Variants in CEP170 observed in about 807,000 individuals in gnomAD.
CEP170 encodes the protein centrosomal protein 170.
A neutral mutation model predicts 151.9 loss-of-function variants in CEP170; 21 were observed. The observed-to-expected ratio is 0.14, with a 90% CI of 0.10 to 0.20. The LOEUF is 0.20. Ranked by LOEUF, CEP170 falls within the 10% of genes least tolerant of loss-of-function variation. The probability of loss-of-function intolerance (pLI) is 1.00; values close to 1 mark genes in which losing one functional copy is unlikely to be tolerated. For synonymous variants in CEP170, 356 were observed against 648.8 expected, an observed-to-expected ratio of 0.55 and a Z score of 6.86; for missense variants, 964 against 1,892.9, an observed-to-expected ratio of 0.51 and a Z score of 9.11.
intron 15 of CEP170, 90 bp from the exon 16 acceptor site, chr1:243,140,197 T>G: frequency 1.3e-6 from 2 of 1,513,144 alleles, no homozygotes; most frequent in Non-Finnish European, 1.8e-6. Flanking sequence ...TAGACAGAAG[T>G]TATTCCATTC....
chr1:243,226,006 TCTAGATATATATAC>T, intron 1 of CEP170, among the ~76,000 whole-genome samples: 3 of 146,872 alleles, frequency 2.0e-5, no homozygotes, highest in Non-Finnish European at 4.5e-5. Context: ...CGTATATATA[TCTAGATATATATAC>T]ACACGTATAT....
intron 14 of CEP170, among the ~76,000 whole-genome samples, chr1:243,148,830 G>A (rs1159772809): frequency 6.6e-6 from 1 of 152,044 alleles, no homozygotes; most frequent in Non-Finnish European, 1.5e-5. Flanking sequence ...TTAGATGTTA[G>A]TGGCATTTTG....
At chr1:243,169,180 AAAAGT>A (rs1206598953) in intron 12 of CEP170, 3 of 155,314 alleles carry the variant, frequency 1.9e-5, no homozygotes, top group Non-Finnish European at 4.3e-5. Context: ...ATTTTCATTT[AAAAGT>A]AAAGACAAAA....
chr1:243,131,411 G>A (rs1205325063), intron 17 of CEP170, among the ~76,000 whole-genome samples: 1 of 152,002 alleles, frequency 6.6e-6, no homozygotes, highest in Non-Finnish European at 1.5e-5. Context: ...AGGATTGCTT[G>A]TGCCCAGGGA....
At chr1:243,254,733 G>A (rs566453171) in intron 1 of CEP170, among the ~76,000 whole-genome samples, 32 of 151,900 alleles carry the variant, frequency 2.1e-4, no homozygotes, top group Non-Finnish European at 3.2e-4. Context: ...TAGGGGATGC[G>A]GAGGCGGCAG....
At chr1:243,183,259 C>T (rs991323274) in intron 10 of CEP170, among the ~76,000 whole-genome samples, 1 of 152,122 alleles carries the variant, frequency 6.6e-6, no homozygotes, top group Non-Finnish European at 1.5e-5. Context: ...GAACACATCT[C>T]AAATGATGAC....
chr1:243,226,063 A>ATT (rs201542277), intron 1 of CEP170, among the ~76,000 whole-genome samples: 57,016 of 138,060 alleles, frequency 0.41, 14,015 homozygotes, highest in East Asian at 0.66. Context: ...ATCTAGATAT[A>ATT]TATATCTATA....
intron 16 of CEP170, among the ~76,000 whole-genome samples, chr1:243,138,268 T>C (rs888167424): frequency 8.6e-5 from 13 of 151,984 alleles, no homozygotes; most frequent in African/African-American, 3.1e-4. Context: ...AGAATGATTA[T>C]GAGTAAGTTT....
At chr1:243,203,055 G>A (rs1204614457) in intron 4 of CEP170, among the ~76,000 whole-genome samples, 3 of 152,112 alleles carry the variant, frequency 2.0e-5, no homozygotes, top group African/African-American at 4.8e-5. Flanking sequence ...GTGTGGAAAC[G>A]AAGAAGACCT....
intron 7 of CEP170, 26 bp downstream of exon 7, chr1:243,199,034 T>G (rs774342763): frequency 1.3e-5 from 18 of 1,369,956 alleles, no homozygotes; most frequent in Middle Eastern, 1.8e-4. Flanking sequence ...ATCCACTTAA[T>G]GTCACAGTGA....
chr1:243,244,832 T>A (rs2065213619), intron 1 of CEP170, among the ~76,000 whole-genome samples: 1 of 146,750 alleles, frequency 6.8e-6, no homozygotes, highest in South Asian at 2.1e-4. Context: ...AAATACATTC[T>A]AAAAAAAAAA....
intron 10 of CEP170, among the ~76,000 whole-genome samples, chr1:243,175,799 T>C (rs1244962072): frequency 2.5e-5 from 1 of 40,784 alleles, no homozygotes; most frequent in Non-Finnish European, 5.4e-5. Context: ...ACAGTATTTC[T>C]TTTTTGTTTT....
At chr1:243,164,009 A>G (rs2058262820) in intron 13 of CEP170, among the ~76,000 whole-genome samples, 1 of 152,044 alleles carries the variant, frequency 6.6e-6, no homozygotes, top group Non-Finnish European at 1.5e-5. Flanking sequence ...GAAAATTAAA[A>G]CTCCTAAATC....
At chr1:243,127,807 G>C (rs1282354876) in intron 19 of CEP170, among the ~76,000 whole-genome samples, 3 of 152,018 alleles carry the variant, frequency 2.0e-5, no homozygotes, top group Non-Finnish European at 2.9e-5. Context: ...TGGTCTCTAT[G>C]GCCAATATGT....
chr1:243,156,764 T>C (rs1012915668), intron 13 of CEP170: 11 of 234,970 alleles, frequency 4.7e-5, no homozygotes, highest in Admixed American at 1.1e-4. Flanking sequence ...TATCCATCGA[T>C]GTTTAACTGG....
intron 3 of CEP170, among the ~76,000 whole-genome samples, chr1:243,212,740 T>C (rs2061934531): frequency 6.6e-6 from 1 of 151,976 alleles, no homozygotes; most frequent in Non-Finnish European, 1.5e-5. Flanking sequence ...CATGGTGCAC[T>C]GCAGCCTTGA....
intron 1 of CEP170, among the ~76,000 whole-genome samples, chr1:243,247,417 GATCTTGGCTCACTGCA>G (rs2065512105): frequency 6.6e-6 from 1 of 152,140 alleles, no homozygotes; most frequent in Admixed American, 6.5e-5. Flanking sequence ...ACAGTGACGT[GATCTTGGCTCACTGCA>G]ATCTCCATCT....
Position 243,164,562 on chromosome 1 carries a change from G to C in CEP170, c.3398C>G (p.Ser1133Cys). ...CCTTCCTGTGGGAGGTTTTGATGTA[G>C]AACTTGTTGTGGATACTTCAGAAGC... ...SVASEVSTTS[S>C]TSKPPTGRRN... Residue 1133 changes from serine to cysteine, a missense_variant, in exon 13 of 20, where the codon TCT (serine) becomes TGT (cysteine). By Grantham distance (112) the Ser-to-Cys change is moderately radical. Coordinates refer to ENST00000366542, the MANE Select transcript of CEP170 (RefSeq NM_014812.3). The C allele has an allele frequency of 1.2e-6, 2 of 1,613,548 alleles. No individual in the cohort carries two copies. The highest frequency in any genetic ancestry group is 2.2e-5 in the South Asian group (2 of 91,034).
intron 1 of CEP170, among the ~76,000 whole-genome samples, chr1:243,244,700 C>G (rs1220337742): frequency 6.6e-6 from 1 of 151,644 alleles, no homozygotes; most frequent in Non-Finnish European, 1.5e-5. Context: ...GAATGGAGAT[C>G]CCCCCACTGC....
Sources: allele counts gnomAD v4.1 joint callset (sites outside exome capture counted in the v4.1 genomes callset), GRCh38; gene constraint gnomAD v4.1.1; transcripts MANE v1.5; gene names NCBI Gene and HGNC (gene_info 2026-07-23, HGNC 2026-07-21).